The following SPATS2L variants were observed in gnomAD, a reference collection of about 807,000 sequenced individuals.
SPATS2L encodes SPATS2-like protein.
A neutral mutation model predicts 59.6 loss-of-function variants in SPATS2L; 30 were observed. The observed-to-expected ratio is 0.50, with a 90% confidence interval of 0.38 to 0.68. The LOEUF is 0.68. SPATS2L is among the 30% of genes least tolerant of loss of function. The pLI, the probability that SPATS2L is intolerant of heterozygous loss-of-function variation, is 0.00. For missense variants in SPATS2L, 615 were observed against 700.0 expected (o/e 0.88, Z 1.37); for synonymous variants, 252 against 263.5 (o/e 0.96, Z 0.42).
rs2087738627 is a variant in SPATS2L at position 200,479,957 on chromosome 2, G to GATAA, written c.*1929_*1932dup. On this transcript the variant is annotated 3_prime_UTR_variant, in exon 13 of 13. Transcript: ENST00000409140. The stretch of plus-strand genomic sequence containing the variant: ...AAGAGTTGTTCGTTCAAATAAGAAA[G>GATAA]ATAAATGTTCGGCACTGTAGGCCCT... 1 of 388,962 alleles carries GATAA rather than the reference G, an allele frequency of 2.6e-6. No homozygotes were observed. Among genetic ancestry groups the GATAA allele is most frequent in the Non-Finnish European group, 4.5e-6 (1 of 220,694 alleles). The allele number at this position is 388,962 out of a possible 1,614,324, so 24.1% of individuals were successfully genotyped here.
Position 200,473,016 on chromosome 2 carries a change from C to G in SPATS2L, c.1245C>G (p.Ala415=). 6.2e-7 allele frequency: 1 copy of G among 1,613,484 alleles called. No individual in the cohort carries two copies. The highest frequency in any genetic ancestry group is 2.2e-5 in the East Asian group (1 of 44,866). ...TGGTGAGCAGTCTCCCCAGCACCGC[C>G]GACCCCTCTCACCAGACCATGCCGG... ...PKMVSSLPST[A]DPSHQTMPAN... is the part of the protein sequence containing the mutation. The change falls in exon 12 of 13, where the codon GCC becomes GCG. Residue 415 remains alanine (A), a synonymous_variant. Coordinates refer to ENST00000409140, the MANE Select transcript of SPATS2L (RefSeq NM_001100423.2).
rs1354120579 is a variant in SPATS2L at position 200,344,823 on chromosome 2, A to G, written c.-23+15343A>G. Among the ~76,000 whole-genome samples, 6 of 152,180 alleles carry G rather than the reference A, an allele frequency of 3.9e-5. No homozygotes were observed. The East Asian group carries it at 1.2e-3, about 29-fold the overall frequency. On this transcript the variant is annotated intron_variant, in intron 2 of 12. Coordinates refer to ENST00000409140, the MANE Select transcript of SPATS2L (RefSeq NM_001100423.2). ...ATTTGCATTTCTTTAATAACCAGTG[A>G]TATTGAGCTTTTTTTCATATGCTTT...
Position 200,327,450 on chromosome 2 carries a change from G to A in SPATS2L, c.-72-1981G>A, listed in dbSNP as rs796428286. 2.0e-5 allele frequency among the ~76,000 whole-genome samples: 3 copies of A among 151,718 alleles called. No homozygotes were observed. In the South Asian group the frequency reaches 6.2e-4, roughly 32 times the overall value. On this transcript the variant is annotated intron_variant, in intron 1 of 12. Coordinates refer to ENST00000409140, the MANE Select transcript of SPATS2L (RefSeq NM_001100423.2). Reference sequence around the variant, plus strand: ...CCCTCTCTTGAGTTGTAAATATCTTGTGCTGACTTCTATTGTAGTGGCAGA... The same window carrying A: ...CCCTCTCTTGAGTTGTAAATATCTTATGCTGACTTCTATTGTAGTGGCAGA...
intron 2 of SPATS2L, among the ~76,000 whole-genome samples, chr2:200,340,535 C>T (rs572662553): frequency 3.3e-5 from 5 of 152,118 alleles, no homozygotes; most frequent in Admixed American, 2.0e-4. Flanking sequence ...TTGCCAGCTG[C>T]CATCTTTGTT....
At chr2:200,358,546 T>C (rs1202479474) in intron 2 of SPATS2L, among the ~76,000 whole-genome samples, 1 of 152,062 alleles carries the variant, frequency 6.6e-6, no homozygotes, top group African/African-American at 2.4e-5. Flanking sequence ...CTCACTCACA[T>C]GCAGAAAATC....
chr2:200,426,687 A>C (rs994693767), intron 6 of SPATS2L, among the ~76,000 whole-genome samples: 1 of 152,220 alleles, frequency 6.6e-6, no homozygotes, highest in South Asian at 2.1e-4. Context: ...TGATCACACC[A>C]CTGTACCCCA....
At chr2:200,349,325 C>T (rs568043336) in intron 2 of SPATS2L, among the ~76,000 whole-genome samples, 1 of 152,274 alleles carries the variant, frequency 6.6e-6, no homozygotes, top group South Asian at 2.1e-4. Context: ...AAATGACTCA[C>T]AGGCTACATC....
intron 6 of SPATS2L, among the ~76,000 whole-genome samples, chr2:200,426,938 A>C (rs766452723): frequency 6.6e-6 from 1 of 152,162 alleles, no homozygotes; most frequent in Non-Finnish European, 1.5e-5. Context: ...AGAGACAGAC[A>C]CAGGATGTAG....
chr2:200,415,230 G>A (rs952779527), intron 4 of SPATS2L, among the ~76,000 whole-genome samples: 1 of 152,156 alleles, frequency 6.6e-6, no homozygotes, highest in South Asian at 2.1e-4. Context: ...TAAGAGGGGC[G>A]TTGAGTTGGA....
chr2:200,399,128 T>C (rs1159466196), intron 3 of SPATS2L, among the ~76,000 whole-genome samples: 2 of 152,222 alleles, frequency 1.3e-5, no homozygotes, highest in East Asian at 3.8e-4. Context: ...TTTTTAAATG[T>C]ACAATACAAT....
At chr2:200,307,532 G>A (rs141435905) in intron 1 of SPATS2L, among the ~76,000 whole-genome samples, 2 of 152,248 alleles carry the variant, frequency 1.3e-5, no homozygotes, top group Non-Finnish European at 2.9e-5. Flanking sequence ...GACGCGGAGC[G>A]CCCTGGCCGC....
At chr2:200,359,591 G>A (rs2081030565) in intron 2 of SPATS2L, among the ~76,000 whole-genome samples, 1 of 152,182 alleles carries the variant, frequency 6.6e-6, no homozygotes, top group Non-Finnish European at 1.5e-5. Flanking sequence ...AAGTCAGTGT[G>A]ATGAAAGCCA....
intron 2 of SPATS2L, among the ~76,000 whole-genome samples, chr2:200,378,863 G>A (rs1341079998): frequency 6.6e-6 from 1 of 152,130 alleles, no homozygotes; most frequent in East Asian, 1.9e-4. Context: ...CACAATCCAT[G>A]TTTTCTTTGG....
At chr2:200,353,536 C>T (rs2080809766) in intron 2 of SPATS2L, among the ~76,000 whole-genome samples, 1 of 152,132 alleles carries the variant, frequency 6.6e-6, no homozygotes, top group African/African-American at 2.4e-5. Context: ...TGGATATTTC[C>T]ACCCTCTTCC....
intron 1 of SPATS2L, among the ~76,000 whole-genome samples, chr2:200,315,383 G>T (rs2079336153): frequency 6.6e-6 from 1 of 152,112 alleles, no homozygotes; most frequent in Non-Finnish European, 1.5e-5. Context: ...CTCGTGGTAT[G>T]GTAGAGGAAG....
At chr2:200,352,094 G>T (rs1445547367) in intron 2 of SPATS2L, among the ~76,000 whole-genome samples, 1 of 151,868 alleles carries the variant, frequency 6.6e-6, no homozygotes, top group African/African-American at 2.4e-5. Flanking sequence ...CTTGCCTTTT[G>T]CTTTTTGTAA....
At chr2:200,322,803 A>G (rs1018889168) in intron 1 of SPATS2L, among the ~76,000 whole-genome samples, 1 of 152,186 alleles carries the variant, frequency 6.6e-6, no homozygotes, top group African/African-American at 2.4e-5. Context: ...TTCAATTCTT[A>G]GTAAAAATGG....
intron 2 of SPATS2L, among the ~76,000 whole-genome samples, chr2:200,365,492 C>T (rs576430148): frequency 6.6e-6 from 1 of 152,314 alleles, no homozygotes; most frequent in Non-Finnish European, 1.5e-5. Context: ...AAAGTCTATA[C>T]ATGGGACTCT....
intron 1 of SPATS2L, among the ~76,000 whole-genome samples, chr2:200,310,253 C>G (rs941567012): frequency 5.9e-5 from 9 of 152,224 alleles, no homozygotes; most frequent in African/African-American, 2.2e-4. Context: ...ACTTTCCTTT[C>G]TTGATCCGTT....
Sources: allele counts gnomAD v4.1 joint callset (sites outside exome capture counted in the v4.1 genomes callset), GRCh38; gene constraint gnomAD v4.1.1; transcripts MANE v1.5; gene names NCBI Gene and HGNC (gene_info 2026-07-23, HGNC 2026-07-21).